Variants in RALYL observed in about 807,000 individuals in gnomAD.
RALYL encodes the protein RALY RNA binding protein like, also known as RNA-binding Raly-like protein.
RALYL carries 29 observed loss-of-function variants against 35.1 expected under a neutral mutation model. That is an observed-to-expected ratio of 0.83 (90% CI 0.61 to 1.13). The LOEUF is 1.13. Among genes scored for constraint, RALYL ranks in the 50% most tolerant of loss-of-function variants. RALYL has a pLI of 0.00. For synonymous variants in RALYL, 120 were observed against 127.6 expected, an observed-to-expected ratio of 0.94 and a Z score of 0.40; for missense variants, 359 against 360.4, an observed-to-expected ratio of 1.00 and a Z score of 0.03.
At chr8:84,311,663 G>C (rs1217754673) in intron 1 of RALYL, among the ~76,000 whole-genome samples, 1 of 152,046 alleles carries the variant, frequency 6.6e-6, no homozygotes, top group Non-Finnish European at 1.5e-5. Context: ...GATTATTTTA[G>C]TACCTTATGT....
chr8:84,236,074 C>A (rs1028834560), intron 1 of RALYL, among the ~76,000 whole-genome samples: 5 of 152,068 alleles, frequency 3.3e-5, no homozygotes, highest in African/African-American at 1.2e-4. Flanking sequence ...TTCATTAAAG[C>A]TGTTCTCGTG....
chr8:84,373,341 T>C (rs1856287472), intron 1 of RALYL, among the ~76,000 whole-genome samples: 1 of 152,038 alleles, frequency 6.6e-6, no homozygotes, highest in Non-Finnish European at 1.5e-5. Flanking sequence ...TGAGGGTTTT[T>C]ATAGTTTCAG....
intron 1 of RALYL, among the ~76,000 whole-genome samples, chr8:84,241,720 A>G (rs1827936158): frequency 6.6e-6 from 1 of 150,692 alleles, no homozygotes; most frequent in Non-Finnish European, 1.5e-5. Context: ...GGAGGTTGCC[A>G]TGAACCAAGA....
rs566241374 is a variant in RALYL, at chr8:84,881,499, G to A, written c.686-6105G>A. On this transcript the variant is annotated intron_variant, in intron 7 of 8. Coordinates refer to ENST00000521268, the MANE Select transcript of RALYL (RefSeq NM_173848.7). Reference sequence around the variant, plus strand: ...ATTGCCAACTCAACCAATTTTCATAGTTATATTAATGATAATAGCTATGCA... The same window carrying A: ...ATTGCCAACTCAACCAATTTTCATAATTATATTAATGATAATAGCTATGCA... Among the ~76,000 whole-genome samples, 86 of 151,914 alleles carry A rather than the reference G, an allele frequency of 5.7e-4. 1 individual carries two copies. Among genetic ancestry groups the A allele is most frequent in the Non-Finnish European group, 1.2e-3 (79 of 67,880 alleles).
rs79804164 is a variant in RALYL at position 84,555,477 on chromosome 8, C to A, written c.256+25900C>A. On this transcript the variant is annotated intron_variant, in intron 2 of 8. Coordinates refer to ENST00000521268, the MANE Select transcript of RALYL (RefSeq NM_173848.7). ...TTCATTCTTGGGCTCTTCATTCATC[C>A]TGTGGAACCTCTTTAGGCTGTTTCA... Among the ~76,000 whole-genome samples the A allele has an allele frequency of 4.2e-3, 643 of 152,256 alleles. 1 individual carries two copies. Among genetic ancestry groups the A allele is most frequent in the African/African-American group, 0.015 (609 of 41,544 alleles).
intron 2 of RALYL, among the ~76,000 whole-genome samples, chr8:84,571,617 C>A (rs1808009660): frequency 6.6e-6 from 1 of 151,624 alleles, no homozygotes; most frequent in African/African-American, 2.4e-5. Flanking sequence ...TCATTTAGTT[C>A]TCCTCTTATC....
intron 1 of RALYL, among the ~76,000 whole-genome samples, chr8:84,376,930 CAT>C (rs1266277201): frequency 2.0e-5 from 3 of 151,738 alleles, no homozygotes; most frequent in African/African-American, 7.2e-5. Flanking sequence ...CTCTGGGTCT[CAT>C]GTGTGTTAAA....
chr8:84,201,614 G>A (rs1203824404), intron 1 of RALYL, among the ~76,000 whole-genome samples: 5 of 151,404 alleles, frequency 3.3e-5, no homozygotes, highest in African/African-American at 1.2e-4. Context: ...AGTCTGGAGT[G>A]CAGTGTGGCA....
At chr8:84,521,032 C>G (rs28494694) in intron 1 of RALYL, among the ~76,000 whole-genome samples, 1,959 of 152,250 alleles carry the variant, frequency 0.013, 20 homozygotes, top group Middle Eastern at 0.024. Flanking sequence ...ATAATATGAA[C>G]TGCTGTGGAT....
At chr8:84,624,918 A>G (rs920787793) in intron 2 of RALYL, among the ~76,000 whole-genome samples, 2 of 152,198 alleles carry the variant, frequency 1.3e-5, no homozygotes, top group African/African-American at 4.8e-5. Context: ...ATAAGTAAAC[A>G]TAAGTCATAC....
rs111885745 is a variant in RALYL at position 84,540,661 on chromosome 8, G to A, written c.256+11084G>A. Among the ~76,000 whole-genome samples the A allele has an allele frequency of 2.2e-3, 332 of 151,666 alleles. 2 individuals are homozygous for A. The highest frequency in any genetic ancestry group is 6.8e-3 in the Middle Eastern group (2 of 294). Reference sequence around the variant, plus strand: ...TTATGTCCATGCCATTTGTACTGTCGAGGAGATGCTGGCCTCATAGAACAA... The same window carrying A: ...TTATGTCCATGCCATTTGTACTGTCAAGGAGATGCTGGCCTCATAGAACAA... On this transcript the variant is annotated intron_variant, in intron 2 of 8. Coordinates refer to ENST00000521268, the MANE Select transcript of RALYL (RefSeq NM_173848.7).
intron 2 of RALYL, among the ~76,000 whole-genome samples, chr8:84,683,244 G>A (rs999915436): frequency 1.3e-5 from 2 of 152,134 alleles, no homozygotes; most frequent in African/African-American, 2.4e-5. Context: ...CATTTGCTGA[G>A]GAGAGCTTTA....
At chr8:84,477,363 A>G in intron 1 of RALYL, among the ~76,000 whole-genome samples, 1 of 125,700 alleles carries the variant, frequency 8.0e-6, no homozygotes, top group South Asian at 3.0e-4. Context: ...ATTGATTTAC[A>G]TATATTTTAA....
At chr8:84,845,081 C>G (rs1834334569) in intron 4 of RALYL, among the ~76,000 whole-genome samples, 2 of 152,034 alleles carry the variant, frequency 1.3e-5, no homozygotes, top group Admixed American at 1.3e-4. Context: ...AACTAACCTG[C>G]ACGTTGTGCA....
In RALYL at chr8:84,305,297, T is replaced by C. The variant is rs1031670409; in HGVS notation, c.-24+120873T>C. 2.0e-5 allele frequency among the ~76,000 whole-genome samples: 3 copies of C among 152,204 alleles called. No homozygotes were observed. In the East Asian group the frequency reaches 5.8e-4, roughly 29 times the overall value. ...GTAATACAAGACTCATCTATACCTC[T>C]AGCTTTCACTGATTCCTTGCTTTAA... On this transcript the variant is annotated intron_variant, in intron 1 of 8. Transcript: ENST00000521268.
chr8:84,246,179 G>A (rs1829051187), intron 1 of RALYL, among the ~76,000 whole-genome samples: 1 of 152,020 alleles, frequency 6.6e-6, no homozygotes, highest in Non-Finnish European at 1.5e-5. Context: ...CTGACTTAGA[G>A]TGAGCTTTTC....
chr8:84,544,067 C>T (rs752147184), intron 2 of RALYL, among the ~76,000 whole-genome samples: 1 of 152,062 alleles, frequency 6.6e-6, no homozygotes, highest in Non-Finnish European at 1.5e-5. Flanking sequence ...TTGAGGGCTG[C>T]AGAATATTCC....
intron 1 of RALYL, among the ~76,000 whole-genome samples, chr8:84,402,299 T>C (rs1234527207): frequency 1.3e-5 from 2 of 152,194 alleles, no homozygotes; most frequent in Non-Finnish European, 2.9e-5. Flanking sequence ...CTAACTTTAC[T>C]TATTTGTAGT....
At chr8:84,220,329 G>T (rs942010157) in intron 1 of RALYL, among the ~76,000 whole-genome samples, 2 of 151,832 alleles carry the variant, frequency 1.3e-5, no homozygotes, top group Non-Finnish European at 2.9e-5. Flanking sequence ...AATTTTGCTT[G>T]ACATAACATG....
Sources: allele counts gnomAD v4.1 joint callset (sites outside exome capture counted in the v4.1 genomes callset), GRCh38; gene constraint gnomAD v4.1.1; transcripts MANE v1.5; gene names NCBI Gene and HGNC (gene_info 2026-07-23, HGNC 2026-07-21).